Variants in ZNF343 observed in about 807,000 individuals in gnomAD.
ZNF343 encodes zinc finger protein 343.
Under a neutral mutation model 13.8 loss-of-function variants are expected in ZNF343, and 11 were observed. That is an observed-to-expected ratio of 0.80 (90% CI 0.50 to 1.32). ZNF343 has a LOEUF of 1.32. Among genes scored for constraint, ZNF343 ranks in the 40% most tolerant of loss-of-function variants. The pLI is 0.00. For missense variants in ZNF343, 658 were observed against 714.2 expected, an observed-to-expected ratio of 0.92 and a Z score of 0.90; for synonymous variants, 248 against 260.0, an observed-to-expected ratio of 0.95 and a Z score of 0.44.
At position 2,483,503 on chromosome 20, in the gene ZNF343, T is replaced by C. The variant is rs1163519856; in HGVS notation, c.1458A>G (p.Thr486=). The C allele has an allele frequency of 6.2e-7, 1 of 1,612,768 alleles. No individual in the cohort carries two copies. Among genetic ancestry groups the C allele is most frequent in the Non-Finnish European group, 8.5e-7 (1 of 1,179,580 alleles). The stretch of plus-strand genomic sequence containing the variant: ...AGACATAATGCTTCTCCCCTGAGTG[T>C]GTCCTCTGGTGGACAAGGAGGAGTG... ...RKSLLLVHQR[T]HSGEKHYVCR... Residue 486 remains threonine, a synonymous_variant, in exon 6 of 6, where the codon ACA becomes ACG. Transcript: ENST00000278772.
upstream of ZNF343, among the ~76,000 whole-genome samples, chr20:2,511,364 C>T (rs570074366): frequency 6.6e-6 from 1 of 152,222 alleles, no homozygotes; most frequent in Admixed American, 6.5e-5. Flanking sequence ...CCCACCTCAG[C>T]TTCCCAAAGT....
At chr20:2,505,327 T>G (rs1161819373) in intron 1 of ZNF343, among the ~76,000 whole-genome samples, 1 of 152,230 alleles carries the variant, frequency 6.6e-6, no homozygotes, top group Non-Finnish European at 1.5e-5. Context: ...GAACATTCCA[T>G]GCTCATGGGT....
upstream of ZNF343, chr20:2,509,245 G>A (rs2085721121): frequency 6.6e-6 from 1 of 152,216 alleles, no homozygotes; most frequent in African/African-American, 2.4e-5. Context: ...TGTCTGTCAG[G>A]CGTGTGTTGG....
intron 5 of ZNF343, among the ~76,000 whole-genome samples, chr20:2,487,879 T>G (rs2122569026): frequency 6.6e-6 from 1 of 152,336 alleles, no homozygotes; most frequent in Non-Finnish European, 1.5e-5. Context: ...TGGTGTGTAG[T>G]TTTAATTTGC....
At chr20:2,493,641 G>T in intron 3 of ZNF343, 64 bp from the exon 4 acceptor site, 3 of 1,279,552 alleles carry the variant, frequency 2.3e-6, no homozygotes, top group Non-Finnish European at 3.3e-6. Context: ...CCACCATGAC[G>T]CTCCCTGAGC....
At chr20:2,492,948 G>GAGAACCATATA in intron 4 of ZNF343, 123 bp from the exon 5 acceptor site, 6 of 1,393,590 alleles carry the variant, frequency 4.3e-6, no homozygotes, top group Non-Finnish European at 4.9e-6. Flanking sequence ...AGAATATATG[G>GAGAACCATATA]TTCTCCATAT....
At chr20:2,512,652 CA>C (rs1353469351), upstream of ZNF343, among the ~76,000 whole-genome samples, 1 of 152,016 alleles carries the variant, frequency 6.6e-6, no homozygotes, top group African/African-American at 2.4e-5. Flanking sequence ...CCACTGTATA[CA>C]AAAATTAACT....
intron 5 of ZNF343, among the ~76,000 whole-genome samples, chr20:2,490,320 G>A (rs781443491): frequency 6.6e-6 from 1 of 152,002 alleles, no homozygotes; most frequent in Non-Finnish European, 1.5e-5. Context: ...GACCCCTGCA[G>A]CCCAGAGAAA....
intron 5 of ZNF343, 87 bp from the exon 6 acceptor site, chr20:2,484,743 T>C (rs912047570): frequency 8.3e-7 from 1 of 1,210,342 alleles, no homozygotes; most frequent in Non-Finnish European, 1.2e-6. Context: ...AATGTTTTAC[T>C]GCCATGCCTA....
chr20:2,512,634 T>C (rs1312250071), upstream of ZNF343, among the ~76,000 whole-genome samples: 4 of 152,158 alleles, frequency 2.6e-5, no homozygotes, highest in Non-Finnish European at 4.4e-5. Flanking sequence ...AAGTTGGACC[T>C]CTACCTCCCA....
chr20:2,511,837 T>C (rs931461712), upstream of ZNF343, among the ~76,000 whole-genome samples: 1 of 152,168 alleles, frequency 6.6e-6, no homozygotes, highest in African/African-American at 2.4e-5. Flanking sequence ...AACTGAAAAC[T>C]CTTCCCCTAA....
At chr20:2,495,743 C>A (rs1246636206) in intron 2 of ZNF343, among the ~76,000 whole-genome samples, 2 of 148,310 alleles carry the variant, frequency 1.3e-5, no homozygotes, top group Non-Finnish European at 3.0e-5. Context: ...TGCAGTGGTG[C>A]AATCTTGGCT....
intron 2 of ZNF343, among the ~76,000 whole-genome samples, chr20:2,496,048 TA>T (rs1484400280): frequency 1.3e-5 from 2 of 152,102 alleles, no homozygotes; most frequent in Non-Finnish European, 2.9e-5. Context: ...AGCACTCGTG[TA>T]GCTGCCATTT....
chr20:2,502,488 G>C (rs1031230835), intron 1 of ZNF343, among the ~76,000 whole-genome samples: 1 of 152,082 alleles, frequency 6.6e-6, no homozygotes, highest in Non-Finnish European at 1.5e-5. Context: ...CTCGAGAAGA[G>C]CAACTCCAAG....
chr20:2,482,806 C>A lies in ZNF343; in HGVS notation c.*355G>T. The A allele has an allele frequency of 4.0e-6, 1 of 251,330 alleles. No homozygotes were observed. The highest frequency in any genetic ancestry group is 7.7e-6 in the Non-Finnish European group (1 of 130,344). 15.6% of individuals were successfully genotyped at this position (251,330 alleles called of 1,614,324 possible). ...GTGTCCATTCTTTTACTGATGCTCC[C>A]CAACACTCCCCAGACAAGGGTGCTT... On this transcript the variant is annotated 3_prime_UTR_variant, in exon 6 of 6. Transcript: ENST00000278772.
chr20:2,520,221 T>A (rs932643068), intron 1 of ZNF343, among the ~76,000 whole-genome samples: 1 of 152,246 alleles, frequency 6.6e-6, no homozygotes, highest in Non-Finnish European at 1.5e-5. Context: ...GTATTCTACA[T>A]GCACTTTATG....
At chr20:2,512,449 G>A (rs574729278), upstream of ZNF343, among the ~76,000 whole-genome samples, 32 of 152,280 alleles carry the variant, frequency 2.1e-4, no homozygotes, top group African/African-American at 6.7e-4. Context: ...AAACAGTGTG[G>A]TACTGCCATA....
intron 1 of ZNF343, among the ~76,000 whole-genome samples, chr20:2,514,631 T>TTA (rs1386298065): frequency 1.3e-5 from 2 of 152,116 alleles, no homozygotes. Context: ...AAGCTCAATA[T>TTA]TATATATATC....
chr20:2,510,615 A>G (rs1440541843), upstream of ZNF343, among the ~76,000 whole-genome samples: 1 of 152,080 alleles, frequency 6.6e-6, no homozygotes, highest in African/African-American at 2.4e-5. Context: ...CCTGCCTTTC[A>G]CAGAAAGGAC....
Sources: allele counts gnomAD v4.1 joint callset (sites outside exome capture counted in the v4.1 genomes callset), GRCh38; gene constraint gnomAD v4.1.1; transcripts MANE v1.5; gene names NCBI Gene and HGNC (gene_info 2026-07-23, HGNC 2026-07-21).